The following SH3RF3 variants were observed in gnomAD, a reference collection of about 807,000 sequenced individuals.
The protein encoded by SH3RF3 is SH3 domain containing ring finger 3.
In SH3RF3, 29 loss-of-function variants were observed where a neutral mutation model predicts 66.3. That is an observed-to-expected ratio of 0.44 (90% CI 0.33 to 0.60). The LOEUF (loss-of-function observed/expected upper bound fraction) is 0.60, where lower values mean the gene tolerates loss of function less well. Among genes scored for constraint, SH3RF3 ranks in the 20% least tolerant of loss-of-function variants. SH3RF3 has a pLI of 0.04. For synonymous variants in SH3RF3, 583 were observed against 532.0 expected, an observed-to-expected ratio of 1.10 and a Z score of -1.32; for missense variants, 1,194 against 1,190.9, an observed-to-expected ratio of 1.00 and a Z score of -0.04.
At chr2:109,251,700 T>G in intron 1 of SH3RF3, 1 of 905,702 alleles carries the variant, frequency 1.1e-6, no homozygotes, top group East Asian at 2.5e-5. Flanking sequence ...TAGGTTCTAT[T>G]TTACTATGAT....
At chr2:109,293,248 G>A (rs1159751007) in intron 1 of SH3RF3, among the ~76,000 whole-genome samples, 3 of 152,248 alleles carry the variant, frequency 2.0e-5, no homozygotes, top group Non-Finnish European at 4.4e-5. Context: ...GAGGACAGAG[G>A]GATGGTGGAG....
chr2:109,449,196 G>A lies in SH3RF3; in HGVS notation c.1855G>A (p.Asp619Asn). 1.2e-6 allele frequency: 2 copies of A among 1,613,620 alleles called. No individual in the cohort carries two copies. Among genetic ancestry groups the A allele is most frequent in the East Asian group, 2.2e-5 (1 of 44,854 alleles). Reference sequence around the variant, plus strand: ...TGCCCACTCTGCAGCCCAGGCTCAGGACCGGCCAACTGCCACCGTGTCACC... The same window carrying A: ...TGCCCACTCTGCAGCCCAGGCTCAGAACCGGCCAACTGCCACCGTGTCACC... Reference protein sequence around the residue: ...TAAHSAAQAQDRPTATVSPLR... With the variant: ...TAAHSAAQAQNRPTATVSPLR... The change falls in exon 8 of 10, where the codon GAC becomes AAC. Residue 619 changes from aspartate to asparagine, a missense_variant. Physicochemically the swap from Asp to Asn is conservative, Grantham distance 23. Coordinates refer to ENST00000309415, the MANE Select transcript of SH3RF3 (RefSeq NM_001099289.3).
chr2:109,448,429 T>A (rs1043417524), intron 7 of SH3RF3, among the ~76,000 whole-genome samples: 2 of 152,100 alleles, frequency 1.3e-5, no homozygotes, highest in African/African-American at 4.8e-5. Context: ...AAGGAAAACT[T>A]CATCTGTATT....
At chr2:109,198,556 C>T (rs186146330) in intron 1 of SH3RF3, among the ~76,000 whole-genome samples, 3 of 152,326 alleles carry the variant, frequency 2.0e-5, no homozygotes, top group East Asian at 3.9e-4. Flanking sequence ...ATGTTTGTTT[C>T]TCATAGTCCT....
intron 1 of SH3RF3, among the ~76,000 whole-genome samples, chr2:109,231,773 T>G (rs1042183513): frequency 3.9e-5 from 6 of 152,268 alleles, no homozygotes; most frequent in Non-Finnish European, 2.9e-5. Context: ...TTGTGTTGGA[T>G]CTTCTATTCC....
At chr2:109,496,717 G>A (rs552462128) in intron 9 of SH3RF3, among the ~76,000 whole-genome samples, 165 of 152,230 alleles carry the variant, frequency 1.1e-3, no homozygotes, top group Non-Finnish European at 2.2e-3. Context: ...CAGAATAATG[G>A]CCCCCAAAGA....
intron 1 of SH3RF3, among the ~76,000 whole-genome samples, chr2:109,338,707 G>A (rs1338434891): frequency 2.0e-5 from 3 of 152,058 alleles, no homozygotes; most frequent in African/African-American, 4.8e-5. Flanking sequence ...ACAGGCATGC[G>A]CCACCACGCC....
chr2:109,496,227 T>G (rs1332364172), intron 9 of SH3RF3, among the ~76,000 whole-genome samples: 2 of 152,218 alleles, frequency 1.3e-5, no homozygotes, highest in African/African-American at 4.8e-5. Context: ...GAGTGCTGAT[T>G]GGCGCGTTTT....
intron 1 of SH3RF3, among the ~76,000 whole-genome samples, chr2:109,206,037 T>A (rs531633185): frequency 6.6e-6 from 1 of 152,332 alleles, no homozygotes; most frequent in South Asian, 2.1e-4. Flanking sequence ...GAACTGTCAC[T>A]TGTACCCTGA....
intron 1 of SH3RF3, among the ~76,000 whole-genome samples, chr2:109,344,266 G>C (rs998649173): frequency 6.6e-6 from 1 of 152,216 alleles, no homozygotes; most frequent in African/African-American, 2.4e-5. Flanking sequence ...AGTTAGGATG[G>C]CTGGTGAGTG....
chr2:109,465,296 T>C (rs1678312087), intron 8 of SH3RF3, among the ~76,000 whole-genome samples: 3 of 152,198 alleles, frequency 2.0e-5, no homozygotes, highest in Non-Finnish European at 4.4e-5. Context: ...TGTGTGGGTT[T>C]TTATATGGAC....
At chr2:109,282,389 C>T (rs989204705) in intron 1 of SH3RF3, among the ~76,000 whole-genome samples, 1 of 152,082 alleles carries the variant, frequency 6.6e-6, no homozygotes, top group African/African-American at 2.4e-5. Context: ...GCTGAGATAC[C>T]AAAACATGGG....
At chr2:109,375,526 G>A (rs1383136911) in intron 3 of SH3RF3, among the ~76,000 whole-genome samples, 1 of 152,192 alleles carries the variant, frequency 6.6e-6, no homozygotes, top group African/African-American at 2.4e-5. Context: ...CACTCCACCG[G>A]GCCTTCCTTC....
intron 3 of SH3RF3, among the ~76,000 whole-genome samples, chr2:109,396,502 G>C (rs932302178): frequency 6.6e-6 from 1 of 152,218 alleles, no homozygotes; most frequent in Non-Finnish European, 1.5e-5. Flanking sequence ...GCACGGAGCA[G>C]CCCTGTGATG....
chr2:109,253,847 A>C (rs1321555336), intron 1 of SH3RF3, among the ~76,000 whole-genome samples: 1 of 152,142 alleles, frequency 6.6e-6, no homozygotes, highest in African/African-American at 2.4e-5. Context: ...TTGTTCAGGG[A>C]GCAGAAACCA....
chr2:109,133,897 G>C (rs1392919637), intron 1 of SH3RF3, among the ~76,000 whole-genome samples: 1 of 152,164 alleles, frequency 6.6e-6, no homozygotes, highest in Non-Finnish European at 1.5e-5. Context: ...AGCCTTGCCA[G>C]GCTGTAGTCT....
At chr2:109,428,213 A>G (rs1330879375) in intron 5 of SH3RF3, among the ~76,000 whole-genome samples, 1 of 152,230 alleles carries the variant, frequency 6.6e-6, no homozygotes. Flanking sequence ...GGAATCATTT[A>G]CTTATTTTAG....
At chr2:109,206,490 CAA>C (rs36060217) in intron 1 of SH3RF3, among the ~76,000 whole-genome samples, 24 of 40,756 alleles carry the variant, frequency 5.9e-4, no homozygotes, top group African/African-American at 1.8e-3. Context: ...GACTCCGTCT[CAA>C]AAAAAAAAAA....
intron 5 of SH3RF3, among the ~76,000 whole-genome samples, chr2:109,428,636 G>A (rs73953104): frequency 0.038 from 5,714 of 152,316 alleles, 328 homozygotes; most frequent in African/African-American, 0.12. Flanking sequence ...CCCTATACAC[G>A]CTACCAGGTG....
Sources: allele counts gnomAD v4.1 joint callset (sites outside exome capture counted in the v4.1 genomes callset), GRCh38; gene constraint gnomAD v4.1.1; transcripts MANE v1.5; gene names NCBI Gene and HGNC (gene_info 2026-07-23, HGNC 2026-07-21).